The following PDZRN4 variants were observed in gnomAD, a reference collection of about 807,000 sequenced individuals.
PDZRN4 encodes PDZ domain-containing RING finger protein 4.
In PDZRN4, 70 loss-of-function variants were observed where a neutral mutation model predicts 99.0. That is an observed-to-expected ratio of 0.71 (90% CI 0.58 to 0.86). The LOEUF (loss-of-function observed/expected upper bound fraction) is 0.86. Among genes scored for constraint, PDZRN4 ranks in the 40% least tolerant of loss-of-function variants. The pLI, the probability that PDZRN4 is intolerant of heterozygous loss-of-function variation, is 0.00. For missense variants in PDZRN4, 1,474 were observed against 1,331.2 expected, an observed-to-expected ratio of 1.11 and a Z score of -1.67; for synonymous variants, 551 against 501.6, an observed-to-expected ratio of 1.10 and a Z score of -1.32.
At chr12:41,331,123 A>G (rs1336520848) in intron 3 of PDZRN4, among the ~76,000 whole-genome samples, 1 of 152,130 alleles carries the variant, frequency 6.6e-6, no homozygotes, top group Non-Finnish European at 1.5e-5. Context: ...AATCTATTCA[A>G]TGAAGCAATC....
chr12:41,317,048 G>A (rs866624341), intron 3 of PDZRN4, among the ~76,000 whole-genome samples: 27 of 69,554 alleles, frequency 3.9e-4, no homozygotes, highest in Non-Finnish European at 7.4e-4. Flanking sequence ...CTTACATAAA[G>A]TATATATATA....
intron 3 of PDZRN4, among the ~76,000 whole-genome samples, chr12:41,467,801 G>A (rs1176228630): frequency 6.6e-6 from 1 of 152,190 alleles, no homozygotes; most frequent in Non-Finnish European, 1.5e-5. Flanking sequence ...TACTGGCCAA[G>A]TAAAAGCTAA....
intron 3 of PDZRN4, among the ~76,000 whole-genome samples, chr12:41,224,465 C>G (rs149689058): frequency 6.6e-6 from 1 of 152,114 alleles, no homozygotes; most frequent in South Asian, 2.1e-4. Flanking sequence ...AAGAGTGGAA[C>G]TTTTCCTGTG....
chr12:41,502,543 C>T (rs941831627), intron 3 of PDZRN4, among the ~76,000 whole-genome samples: 2 of 152,218 alleles, frequency 1.3e-5, no homozygotes, highest in East Asian at 1.9e-4. Flanking sequence ...TAACCATATT[C>T]ATATTTTCTC....
At chr12:41,264,784 T>A (rs67832493) in intron 3 of PDZRN4, among the ~76,000 whole-genome samples, 18,364 of 152,178 alleles carry the variant, frequency 0.12, 1,944 homozygotes, top group African/African-American at 0.28. Flanking sequence ...TTTTTCAGAA[T>A]GAAATCATGT....
At chr12:41,469,634 C>T (rs1479159355) in intron 3 of PDZRN4, among the ~76,000 whole-genome samples, 1 of 152,048 alleles carries the variant, frequency 6.6e-6, no homozygotes, top group African/African-American at 2.4e-5. Context: ...ACTGGAAACC[C>T]CAATGAAATG....
chr12:41,213,970 A>G (rs1211903345), intron 3 of PDZRN4, among the ~76,000 whole-genome samples: 1 of 152,018 alleles, frequency 6.6e-6, no homozygotes, highest in Non-Finnish European at 1.5e-5. Flanking sequence ...AAATGAGTTA[A>G]TATTTCAAAA....
chr12:41,498,274 T>C (rs1938046726), intron 3 of PDZRN4, among the ~76,000 whole-genome samples: 1 of 151,998 alleles, frequency 6.6e-6, no homozygotes, highest in Non-Finnish European at 1.5e-5. Context: ...TACATAAATA[T>C]ATAACCTGAG....
At chr12:41,567,734 C>A in intron 8 of PDZRN4, 49 bp from the exon 9 acceptor site, 2 of 1,177,418 alleles carry the variant, frequency 1.7e-6, no homozygotes, top group African/African-American at 1.5e-5. Flanking sequence ...TCTATTTTAA[C>A]ATGAGTTCTC....
chr12:41,345,685 C>T (rs1159089280), intron 3 of PDZRN4, among the ~76,000 whole-genome samples: 1 of 152,104 alleles, frequency 6.6e-6, no homozygotes, highest in Admixed American at 6.6e-5. Context: ...TTGATCGAGA[C>T]AGTGTTTTTA....
chr12:41,519,714 T>A (rs1938461187), intron 5 of PDZRN4, among the ~76,000 whole-genome samples: 1 of 152,052 alleles, frequency 6.6e-6, no homozygotes. Context: ...AAGAACAATT[T>A]CATGCCAGTT....
rs752003607 is a variant in PDZRN4 at position 41,571,335 on chromosome 12, GTCTCTC to G, written c.1585-992_1585-987del. Among the ~76,000 whole-genome samples, 175 of 101,262 alleles carry G rather than the reference GTCTCTC, an allele frequency of 1.7e-3. 1 individual carries two copies. Among genetic ancestry groups the G allele is most frequent in the African/African-American group, 4.5e-3 (137 of 30,200 alleles). The allele number at this position is 101,262 out of a possible 152,430, so 66.4% of individuals were successfully genotyped here. A position where few individuals can be genotyped will look rare whatever the true frequency, so the allele number is the denominator to read the frequency against. ...TACATGAAAGCCAAAAATTACCAGA[GTCTCTC>G]TCTCTCTCTCTCTCTCTCTCTCTCT... On this transcript the variant is annotated intron_variant, in intron 9 of 9. Coordinates refer to ENST00000402685, the MANE Select transcript of PDZRN4 (RefSeq NM_001164595.2).
chr12:41,326,144 C>T (rs569087714), intron 3 of PDZRN4, among the ~76,000 whole-genome samples: 14 of 29,286 alleles, frequency 4.8e-4, no homozygotes, highest in Non-Finnish European at 1.1e-3. Flanking sequence ...CCACCACACT[C>T]GGCTAATTTT....
intron 3 of PDZRN4, chr12:41,412,450 T>C (rs1952407189): frequency 8.7e-6 from 1 of 114,482 alleles, no homozygotes; most frequent in South Asian, 2.8e-4. Flanking sequence ...AGTCTTCATT[T>C]TGGGTAATCA....
At chr12:41,297,958 A>C (rs951424661) in intron 3 of PDZRN4, among the ~76,000 whole-genome samples, 1 of 152,228 alleles carries the variant, frequency 6.6e-6, no homozygotes, top group Non-Finnish European at 1.5e-5. Context: ...CCTGTTTTAG[A>C]CTTAGTGCTG....
In PDZRN4 at chr12:41,344,747, T is replaced by A. The variant is rs540849690; in HGVS notation, c.843+150559T>A. ...CATTTTTTGATGTAAGATATATATA[T>A]CATATATATGATATATGATATACAT... is the stretch of plus-strand genomic sequence containing the variant. On this transcript the variant is annotated intron_variant, in intron 3 of 9. Transcript: ENST00000402685. 2.7e-5 allele frequency among the ~76,000 whole-genome samples: 4 copies of A among 148,414 alleles called. No homozygotes were observed. In the East Asian group the frequency reaches 7.8e-4, roughly 29 times the overall value.
At chr12:41,362,421 A>G (rs944743798) in intron 3 of PDZRN4, among the ~76,000 whole-genome samples, 1 of 138,168 alleles carries the variant, frequency 7.2e-6, no homozygotes, top group Admixed American at 7.8e-5. Context: ...CAAATATAAG[A>G]ACCTTATATC....
intron 3 of PDZRN4, among the ~76,000 whole-genome samples, chr12:41,385,882 A>G (rs1388593268): frequency 6.6e-6 from 1 of 152,226 alleles, no homozygotes; most frequent in African/African-American, 2.4e-5. Context: ...CTTCAGGCCA[A>G]TAACCTCGAT....
chr12:41,378,143 A>G (rs1444727193), intron 3 of PDZRN4, among the ~76,000 whole-genome samples: 2 of 152,186 alleles, frequency 1.3e-5, no homozygotes, highest in Non-Finnish European at 2.9e-5. Context: ...ATGTTGATGT[A>G]CATTCATTCT....
Sources: gnomAD v4.1 joint callset for allele counts (sites outside exome capture counted in the v4.1 genomes callset) on GRCh38, gnomAD v4.1.1 for gene constraint, MANE v1.5 for transcripts, NCBI Gene and HGNC (gene_info 2026-07-23, HGNC 2026-07-21) for gene names.